The following RNF144B variants were observed in gnomAD, a reference collection of about 807,000 sequenced individuals.
RNF144B encodes the protein ring finger protein 144B, also known as E3 ubiquitin-protein ligase RNF144B.
In RNF144B, 25 loss-of-function variants were observed where a neutral mutation model predicts 40.2. The observed-to-expected ratio is 0.62, with a 90% confidence interval of 0.45 to 0.87. RNF144B has a LOEUF of 0.87. RNF144B is among the 40% of genes least tolerant of loss of function. The probability of loss-of-function intolerance (pLI) is 0.00; values close to 1 mark genes in which losing one functional copy is unlikely to be tolerated. For missense variants in RNF144B, 365 were observed against 373.7 expected (o/e 0.98, Z 0.19); for synonymous variants, 145 against 136.3 (o/e 1.06, Z -0.44).
chr6:18,399,470 A>G (rs1794755795), intron 1 of RNF144B, 29 bp from the exon 2 acceptor site: 4 of 1,493,458 alleles, frequency 2.7e-6, no homozygotes, highest in South Asian at 2.4e-5. Flanking sequence ...CAATCCATAT[A>G]ATATTTTCTG....
At chr6:18,403,874 G>A (rs886508217) in intron 2 of RNF144B, among the ~76,000 whole-genome samples, 2 of 152,174 alleles carry the variant, frequency 1.3e-5, no homozygotes, top group African/African-American at 4.8e-5. Flanking sequence ...TGTGAAAAGA[G>A]ACAAAACCCA....
rs1489315341 is a variant in RNF144B at position 18,448,188 on chromosome 6, C to T, written c.331+8444C>T. On this transcript the variant is annotated intron_variant, in intron 4 of 7. Coordinates refer to ENST00000259939, the MANE Select transcript of RNF144B (RefSeq NM_182757.4). This position sits in a 1 kb window ranked among gnomAD's most constrained non-coding sequence, Gnocchi z 4.0. The stretch of plus-strand genomic sequence containing the variant: ...TTTTTCTTGAAAGGAACTTATGATC[C>T]AGCAGAAAGGGATGATACAGGAGAG... Among the ~76,000 whole-genome samples, 1 of 151,808 alleles carries T rather than the reference C, an allele frequency of 6.6e-6. No individual in the cohort carries two copies. The highest frequency in any genetic ancestry group is 1.5e-5 in the Non-Finnish European group (1 of 67,982).
Position 18,434,217 on chromosome 6 carries a change from T to A in RNF144B, c.271-5467T>A, listed in dbSNP as rs937442274. Among the ~76,000 whole-genome samples the A allele has an allele frequency of 1.8e-4, 28 of 152,206 alleles. No individual in the cohort carries two copies. Among genetic ancestry groups the A allele is most frequent in the African/African-American group, 7.2e-5 (3 of 41,452 alleles). On this transcript the variant is annotated intron_variant, in intron 3 of 7. Transcript: ENST00000259939. The surrounding 1 kb of genome is among the most constrained non-coding windows in gnomAD (Gnocchi z 4.1). ...ATCCCCAATTTCTGTTTCATTTTTT[T>A]AATTGAGTCTTTTTTTCTTAACTAA...
At position 18,422,951 on chromosome 6, in the gene RNF144B, C is replaced by CAAAA. The variant is rs58597328; in HGVS notation, c.166-4618_166-4615dup. On this transcript the variant is annotated intron_variant, in intron 2 of 7. Coordinates refer to ENST00000259939, the MANE Select transcript of RNF144B (RefSeq NM_182757.4). The surrounding 1 kb of genome is among the most constrained non-coding windows in gnomAD (Gnocchi z 4.7). ...TGGGCAACAGAGCAAGACCCAGTCT[C>CAAAA]AAAAAAAAAAAAAAATCAACTAATG... 2.8e-5 allele frequency among the ~76,000 whole-genome samples: 4 copies of CAAAA among 143,814 alleles called. No individual in the cohort carries two copies. Among genetic ancestry groups the CAAAA allele is most frequent in the African/African-American group, 1.0e-4 (4 of 38,876 alleles). The allele number at this position is 143,814 out of a possible 152,430, so 94.3% of individuals were successfully genotyped here. A position where few individuals can be genotyped will look rare whatever the true frequency, so the allele number is the denominator to read the frequency against.
chr6:18,405,983 T>A lies in RNF144B; in HGVS notation c.165+6284T>A. On this transcript the variant is annotated intron_variant, in intron 2 of 7. Coordinates refer to ENST00000259939, the MANE Select transcript of RNF144B (RefSeq NM_182757.4). This position sits in a 1 kb window ranked among gnomAD's most constrained non-coding sequence, Gnocchi z 4.5. Reference sequence around the variant, plus strand: ...TCCCCCACCCTCCTAATGAAAGAAGTCATTTTCTGGGATGCCAGTATGGTT... The same window carrying A: ...TCCCCCACCCTCCTAATGAAAGAAGACATTTTCTGGGATGCCAGTATGGTT... The A allele has an allele frequency of 2.0e-6, 1 of 509,032 alleles. No homozygotes were observed. The highest frequency in any genetic ancestry group is 3.9e-6 in the Non-Finnish European group (1 of 254,370). The allele number at this position is 509,032 out of a possible 1,614,324, so 31.5% of individuals were successfully genotyped here.
intron 4 of RNF144B, among the ~76,000 whole-genome samples, chr6:18,453,358 C>G (rs145026750): frequency 6.6e-6 from 1 of 151,756 alleles, no homozygotes; most frequent in Non-Finnish European, 1.5e-5. Flanking sequence ...AGGCTGATCT[C>G]GAACTCCTGC....
In RNF144B at chr6:18,418,259, T is replaced by C. The variant is rs1795183356; in HGVS notation, c.166-9322T>C. Among the ~76,000 whole-genome samples the C allele has an allele frequency of 6.6e-6, 1 of 152,226 alleles. No individual in the cohort carries two copies. Among genetic ancestry groups the C allele is most frequent in the Non-Finnish European group, 1.5e-5 (1 of 68,038 alleles). On this transcript the variant is annotated intron_variant, in intron 2 of 7. Coordinates refer to ENST00000259939, the MANE Select transcript of RNF144B (RefSeq NM_182757.4). This position sits in a 1 kb window ranked among gnomAD's most constrained non-coding sequence, Gnocchi z 5.2. ...TATCCAAGAGAAACGAAAATGTATG[T>C]CCACATGAAAACTTGCTCATAGCAG...
intron 3 of RNF144B, among the ~76,000 whole-genome samples, chr6:18,432,099 G>A (rs1466601096): frequency 6.6e-6 from 1 of 152,168 alleles, no homozygotes; most frequent in African/African-American, 2.4e-5. Flanking sequence ...GAGTTACCTA[G>A]CATTTGCATT....
chr6:18,429,246 G>T (rs1475306646), intron 3 of RNF144B, among the ~76,000 whole-genome samples: 1 of 152,012 alleles, frequency 6.6e-6, no homozygotes, highest in East Asian at 1.9e-4. Flanking sequence ...TAGATAGAAT[G>T]TATGATAAAG....
chr6:18,429,936 A>G (rs1758656311), intron 3 of RNF144B, among the ~76,000 whole-genome samples: 1 of 152,338 alleles, frequency 6.6e-6, no homozygotes, highest in Middle Eastern at 3.4e-3. Flanking sequence ...CAGTCAACTT[A>G]TAACGAGTCA....
chr6:18,431,615 C>T (rs965373029), intron 3 of RNF144B, among the ~76,000 whole-genome samples: 4 of 152,202 alleles, frequency 2.6e-5, no homozygotes, highest in African/African-American at 9.7e-5. Context: ...TGCTTAATTA[C>T]ACAGGTAACA....
chr6:18,452,862 G>A (rs1167847739), intron 4 of RNF144B, among the ~76,000 whole-genome samples: 1 of 152,036 alleles, frequency 6.6e-6, no homozygotes, highest in Non-Finnish European at 1.5e-5. Context: ...TCAGCTCACT[G>A]TACCTTCTGC....
At chr6:18,408,570 A>G (rs1203824707) in intron 2 of RNF144B, among the ~76,000 whole-genome samples, 1 of 152,206 alleles carries the variant, frequency 6.6e-6, no homozygotes, top group Admixed American at 6.5e-5. Flanking sequence ...CAATGTTTCT[A>G]TCCTCCATTT....
At chr6:18,392,724 A>T (rs1794610042) in intron 1 of RNF144B, among the ~76,000 whole-genome samples, 1 of 152,194 alleles carries the variant, frequency 6.6e-6, no homozygotes, top group African/African-American at 2.4e-5. Context: ...CACCTCACAG[A>T]GCCTGAATAG....
At position 18,458,577 on chromosome 6, in the gene RNF144B, A is replaced by T. The variant is rs1342887556; in HGVS notation, c.537-1030A>T. On this transcript the variant is annotated intron_variant, in intron 5 of 7. Coordinates refer to ENST00000259939, the MANE Select transcript of RNF144B (RefSeq NM_182757.4). The surrounding 1 kb of genome is among the most constrained non-coding windows in gnomAD (Gnocchi z 4.8). Reference sequence around the variant, plus strand: ...CATAGCAGGAAGCTCCGTGGGTATCACAGGGCAACGTAAAGAACTCAGAGG... The same window carrying T: ...CATAGCAGGAAGCTCCGTGGGTATCTCAGGGCAACGTAAAGAACTCAGAGG... Among the ~76,000 whole-genome samples the T allele has an allele frequency of 6.6e-6, 1 of 152,182 alleles. No homozygotes were observed. The highest frequency in any genetic ancestry group is 1.5e-5 in the Non-Finnish European group (1 of 68,026).
chr6:18,413,155 G>C (rs563893873), intron 2 of RNF144B, among the ~76,000 whole-genome samples: 14 of 152,258 alleles, frequency 9.2e-5, no homozygotes, highest in Non-Finnish European at 1.5e-4. Context: ...ATAAAAACAA[G>C]CTCTGTGAAA....
intron 2 of RNF144B, among the ~76,000 whole-genome samples, chr6:18,420,237 C>T (rs991978507): frequency 2.0e-5 from 3 of 151,722 alleles, no homozygotes; most frequent in African/African-American, 7.3e-5. Flanking sequence ...AGTCTAAAAT[C>T]CTCCAATAAG....
At chr6:18,445,854 T>G (rs933971551) in intron 4 of RNF144B, among the ~76,000 whole-genome samples, 1 of 152,240 alleles carries the variant, frequency 6.6e-6, no homozygotes, top group Non-Finnish European at 1.5e-5. Flanking sequence ...CTTAAACTTC[T>G]GGATAATTGT....
Position 18,434,136 on chromosome 6 carries a change from T to G in RNF144B, c.271-5548T>G, listed in dbSNP as rs1339698730. On this transcript the variant is annotated intron_variant, in intron 3 of 7. Coordinates refer to ENST00000259939, the MANE Select transcript of RNF144B (RefSeq NM_182757.4). This position sits in a 1 kb window ranked among gnomAD's most constrained non-coding sequence, Gnocchi z 4.1. Reference sequence around the variant, plus strand: ...CCAAACCTAAGTAAAGTCTGGGCGCTTTTTCCTTCTGTTTGGGCTTTCCGG... The same window carrying G: ...CCAAACCTAAGTAAAGTCTGGGCGCGTTTTCCTTCTGTTTGGGCTTTCCGG... Among the ~76,000 whole-genome samples, 1 of 152,208 alleles carries G rather than the reference T, an allele frequency of 6.6e-6. No homozygotes were observed. The highest frequency in any genetic ancestry group is 1.5e-5 in the Non-Finnish European group (1 of 68,032).
Sources: gnomAD v4.1 joint callset for allele counts (sites outside exome capture counted in the v4.1 genomes callset) on GRCh38, gnomAD v4.1.1 for gene constraint, Gnocchi (gnomAD v3.1) non-coding constraint, MANE v1.5 for transcripts, NCBI Gene and HGNC (gene_info 2026-07-23, HGNC 2026-07-21) for gene names.